Variants in LRRTM4 observed in about 807,000 individuals in gnomAD.
LRRTM4 encodes leucine rich repeat transmembrane neuronal 4.
Under a neutral mutation model 47.6 loss-of-function variants are expected in LRRTM4, and 25 were observed. The ratio of observed to expected loss-of-function variants is 0.53; its 90% confidence interval spans 0.38 to 0.73. The LOEUF is 0.73. Among genes scored for constraint, LRRTM4 ranks in the 30% least tolerant of loss-of-function variants. The pLI is 0.00. For missense variants in LRRTM4, 638 were observed against 713.4 expected (o/e 0.89, Z 1.20); for synonymous variants, 311 against 269.5 (o/e 1.15, Z -1.51).
At chr2:77,180,758 C>T (rs1176701995) in intron 3 of LRRTM4, among the ~76,000 whole-genome samples, 3 of 152,020 alleles carry the variant, frequency 2.0e-5, no homozygotes, top group African/African-American at 7.2e-5. Flanking sequence ...ATCTACTTGT[C>T]ATAAGAGCTA....
At chr2:76,823,696 A>G (rs2138901) in intron 3 of LRRTM4, among the ~76,000 whole-genome samples, 59,851 of 150,868 alleles carry the variant, frequency 0.4, 13,272 homozygotes, top group East Asian at 0.69. Flanking sequence ...ACAACAATAA[A>G]CAAAATAAAA....
At chr2:77,421,945 T>G (rs1674913693) in intron 3 of LRRTM4, among the ~76,000 whole-genome samples, 1 of 152,222 alleles carries the variant, frequency 6.6e-6, no homozygotes, top group African/African-American at 2.4e-5. Context: ...CTACTCTATG[T>G]TTAGGTATGT....
chr2:76,801,098 G>GTCA (rs1675652029), intron 3 of LRRTM4, among the ~76,000 whole-genome samples: 1 of 151,464 alleles, frequency 6.6e-6, no homozygotes, highest in Non-Finnish European at 1.5e-5. Context: ...TGTGGAAGTC[G>GTCA]GTGTGGCGAT....
At chr2:77,413,017 C>T (rs994042734) in intron 3 of LRRTM4, among the ~76,000 whole-genome samples, 3 of 152,118 alleles carry the variant, frequency 2.0e-5, no homozygotes. Flanking sequence ...GCTCTGAATA[C>T]ATTTTTGAAG....
intron 3 of LRRTM4, among the ~76,000 whole-genome samples, chr2:76,769,057 T>C (rs1673576427): frequency 6.6e-6 from 1 of 152,154 alleles, no homozygotes; most frequent in South Asian, 2.1e-4. Context: ...TCAACTTTCT[T>C]TGAGGGCCTC....
Position 77,390,861 on chromosome 2 carries a change from T to G in LRRTM4, c.1551+127457A>C, listed in dbSNP as rs563391653. Among the ~76,000 whole-genome samples, 6 of 151,920 alleles carry G rather than the reference T, an allele frequency of 3.9e-5. No homozygotes were observed. In the South Asian group the frequency reaches 1.2e-3, roughly 31 times the overall value. On this transcript the variant is annotated intron_variant, in intron 3 of 3. Transcript: ENST00000409884. ...CTTTGTAAACAACTATACTTTAATT[T>G]TTAATCTTTTTGAGCATTGAAAATG...
chr2:76,804,175 C>T (rs946947280), intron 3 of LRRTM4, among the ~76,000 whole-genome samples: 3 of 152,114 alleles, frequency 2.0e-5, no homozygotes, highest in Non-Finnish European at 4.4e-5. Flanking sequence ...CCTACTAAAC[C>T]TGGAGATGGT....
At chr2:76,846,233 G>C (rs1437581973) in intron 3 of LRRTM4, among the ~76,000 whole-genome samples, 1 of 151,930 alleles carries the variant, frequency 6.6e-6, no homozygotes, top group Non-Finnish European at 1.5e-5. Context: ...AGACACCTAC[G>C]GTGCAACATT....
chr2:76,811,535 A>T (rs1451450528), intron 3 of LRRTM4, among the ~76,000 whole-genome samples: 1 of 152,138 alleles, frequency 6.6e-6, no homozygotes, highest in Non-Finnish European at 1.5e-5. Flanking sequence ...CATTCATCTG[A>T]TGGAAAAACC....
intron 3 of LRRTM4, among the ~76,000 whole-genome samples, chr2:77,196,101 T>C (rs1021066592): frequency 2.0e-5 from 3 of 152,138 alleles, no homozygotes; most frequent in African/African-American, 7.2e-5. Context: ...TTAGAAATAA[T>C]GGTATATTTG....
At chr2:77,310,964 G>A (rs902081349) in intron 3 of LRRTM4, among the ~76,000 whole-genome samples, 2 of 151,270 alleles carry the variant, frequency 1.3e-5, no homozygotes, top group Admixed American at 1.3e-4. Flanking sequence ...ATGTGCATGT[G>A]ATGTGTGTCT....
At chr2:76,779,481 C>G (rs1294519703) in intron 3 of LRRTM4, among the ~76,000 whole-genome samples, 1 of 145,908 alleles carries the variant, frequency 6.9e-6, no homozygotes, top group Non-Finnish European at 1.5e-5. Flanking sequence ...ATAGTTAGCT[C>G]TTCTTGTTGA....
At chr2:77,087,902 AAT>A (rs1293027767) in intron 3 of LRRTM4, among the ~76,000 whole-genome samples, 3 of 152,220 alleles carry the variant, frequency 2.0e-5, no homozygotes, top group South Asian at 2.1e-4. Context: ...AAAATATGCA[AAT>A]ATATGTCTTT....
chr2:76,820,834 T>C (rs778274976), intron 3 of LRRTM4, among the ~76,000 whole-genome samples: 17 of 151,836 alleles, frequency 1.1e-4, no homozygotes, highest in South Asian at 4.1e-4. Context: ...AAATCCAAAA[T>C]CATTGAGGCG....
intron 3 of LRRTM4, among the ~76,000 whole-genome samples, chr2:77,081,629 G>C (rs1043672350): frequency 1.1e-4 from 16 of 152,128 alleles, no homozygotes; most frequent in African/African-American, 3.6e-4. Flanking sequence ...AAAATGGCAA[G>C]TATATTGTCA....
At chr2:76,997,805 T>C (rs963497545) in intron 3 of LRRTM4, among the ~76,000 whole-genome samples, 2 of 152,078 alleles carry the variant, frequency 1.3e-5, no homozygotes, top group Non-Finnish European at 2.9e-5. Context: ...TATCTACAGC[T>C]GCTCCCTATA....
intron 3 of LRRTM4, among the ~76,000 whole-genome samples, chr2:76,794,461 G>A (rs1675152237): frequency 6.6e-6 from 1 of 152,092 alleles, no homozygotes; most frequent in African/African-American, 2.4e-5. Context: ...GTGAACAATA[G>A]TTTTTTCTTT....
intron 3 of LRRTM4, among the ~76,000 whole-genome samples, chr2:77,358,328 C>T (rs563405130): frequency 1.8e-4 from 28 of 152,204 alleles, no homozygotes; most frequent in African/African-American, 6.7e-4. Context: ...AGCCAAGAGG[C>T]ATCCTGGCTT....
intron 3 of LRRTM4, among the ~76,000 whole-genome samples, chr2:77,000,952 A>G (rs1201552122): frequency 6.6e-6 from 1 of 152,156 alleles, no homozygotes; most frequent in Non-Finnish European, 1.5e-5. Flanking sequence ...TTTCAAAAGA[A>G]GCTACCTTAT....
Sources: allele counts gnomAD v4.1 joint callset (sites outside exome capture counted in the v4.1 genomes callset), GRCh38; gene constraint gnomAD v4.1.1; transcripts MANE v1.5; gene names NCBI Gene and HGNC (gene_info 2026-07-23, HGNC 2026-07-21).